Variants in BRAF observed in about 807,000 individuals in gnomAD.
BRAF encodes B-Raf proto-oncogene, serine/threonine kinase.
In BRAF, 16 loss-of-function variants were observed where a neutral mutation model predicts 104.6. The observed-to-expected ratio is 0.15, with a 90% CI of 0.10 to 0.23. The LOEUF (loss-of-function observed/expected upper bound fraction) is 0.23, where lower values mean the gene tolerates loss of function less well. Among genes scored for constraint, BRAF ranks in the 10% least tolerant of loss-of-function variants. The pLI, the probability that BRAF is intolerant of heterozygous loss-of-function variation, is 1.00. For missense variants in BRAF, 541 were observed against 937.3 expected (o/e 0.58, Z 5.52); for synonymous variants, 310 against 341.6 (o/e 0.91, Z 1.02).
chr7:140,733,851 A>C (rs1796171286), intron 19 of BRAF: 1 of 358,196 alleles, frequency 2.8e-6, no homozygotes, highest in Non-Finnish European at 3.9e-6. Context: ...ACAAAATTTG[A>C]CTTCTACATG....
intron 3 of BRAF, among the ~76,000 whole-genome samples, chr7:140,830,092 T>G (rs1233246720): frequency 6.6e-6 from 1 of 152,196 alleles, no homozygotes; most frequent in African/African-American, 2.4e-5. Context: ...TACTTTCAAT[T>G]TGCACAAACT....
chr7:140,722,492 C>T lies in BRAF; in HGVS notation c.*4002G>A. ...TTCTAGAGCCTCACCTACACCATTT[C>T]AACTCATGACCTGTAAGCTATTTGC... On this transcript the variant is annotated 3_prime_UTR_variant, in exon 20 of 20. Transcript: ENST00000644969. 2 of 1,056,154 alleles carry T rather than the reference C, an allele frequency of 1.9e-6. No individual in the cohort carries two copies. The highest frequency in any genetic ancestry group is 2.3e-6 in the Non-Finnish European group (2 of 873,488). The allele number at this position is 1,056,154 out of a possible 1,614,324, so 65.4% of individuals were successfully genotyped here. A position where few individuals can be genotyped will look rare whatever the true frequency, so the allele number is the denominator to read the frequency against.
chr7:140,843,266 A>G (rs1808181404), intron 2 of BRAF, among the ~76,000 whole-genome samples: 1 of 152,168 alleles, frequency 6.6e-6, no homozygotes. Flanking sequence ...TATACAAGAG[A>G]ACTTCTCTGT....
At position 140,739,803 on chromosome 7, in the gene BRAF, T is replaced by C. The variant is rs1338359452; in HGVS notation, c.2247+9A>G. 58 of 1,611,946 alleles carry C rather than the reference T, an allele frequency of 3.6e-5. No homozygotes were observed. The highest frequency in any genetic ancestry group is 4.8e-5 in the Non-Finnish European group (57 of 1,179,904). On this transcript the variant is annotated intron_variant, in intron 18 of 19. Coordinates refer to ENST00000644969, the MANE Select transcript of BRAF (RefSeq NM_001374258.1). ...CTGTTCTTTTGGATAGCATGAAGCT[T>C]TTACTTACTTGGGGAAAGAGTGGTC...
intron 1 of BRAF, among the ~76,000 whole-genome samples, chr7:140,888,544 A>C (rs1275107826): frequency 6.6e-6 from 1 of 152,160 alleles, no homozygotes; most frequent in Non-Finnish European, 1.5e-5. Context: ...CAGGATAAAA[A>C]CAATGATCTA....
intron 1 of BRAF, among the ~76,000 whole-genome samples, chr7:140,874,378 T>G (rs978657741): frequency 4.6e-5 from 7 of 151,878 alleles, no homozygotes; most frequent in African/African-American, 1.7e-4. Context: ...ATTTTTGTAT[T>G]TTCAGTAGAG....
chr7:140,903,464 A>T (rs534174423), intron 1 of BRAF, among the ~76,000 whole-genome samples: 1 of 152,332 alleles, frequency 6.6e-6, no homozygotes, highest in Admixed American at 6.5e-5. Context: ...TCCTTCTAAC[A>T]CATTACTACT....
chr7:140,871,239 CAA>C (rs11284186), intron 1 of BRAF, among the ~76,000 whole-genome samples: 819 of 61,154 alleles, frequency 0.013, 7 homozygotes, highest in African/African-American at 0.042. Context: ...GACTCCGTCT[CAA>C]AAAAAAAAAA....
In BRAF at chr7:140,724,701, G is replaced by A. The variant is rs1348928179; in HGVS notation, c.*1793C>T. On this transcript the variant is annotated 3_prime_UTR_variant, in exon 20 of 20. Coordinates refer to ENST00000644969, the MANE Select transcript of BRAF (RefSeq NM_001374258.1). ...ACAGCAGGGCCTGGAGTTACAATCT[G>A]AAATTTTTAAATAACAATTTCTAAT... 1.9e-6 allele frequency: 2 copies of A among 1,032,574 alleles called. No individual in the cohort carries two copies. Among genetic ancestry groups the A allele is most frequent in the Non-Finnish European group, 1.2e-6 (1 of 858,576 alleles). The allele number at this position is 1,032,574 out of a possible 1,614,324, so 64.0% of individuals were successfully genotyped here.
At chr7:140,787,321 A>G (rs1158515494) in intron 9 of BRAF, among the ~76,000 whole-genome samples, 1 of 148,860 alleles carries the variant, frequency 6.7e-6, no homozygotes, top group Non-Finnish European at 1.5e-5. Context: ...AAAAAAAAAA[A>G]AAAGACTTCC....
At chr7:140,787,695 A>G in intron 8 of BRAF, 111 bp from the exon 9 acceptor site, 1 of 895,648 alleles carries the variant, frequency 1.1e-6, no homozygotes, top group Non-Finnish European at 1.8e-6. Flanking sequence ...TAATTAAAAC[A>G]ATACATCTTA....
At chr7:140,873,112 T>C (rs1205470960) in intron 1 of BRAF, among the ~76,000 whole-genome samples, 3 of 151,082 alleles carry the variant, frequency 2.0e-5, no homozygotes, top group African/African-American at 4.9e-5. Flanking sequence ...ACCATTTCAG[T>C]GCTCTGGACT....
In BRAF at chr7:140,721,473, T is replaced by C; in HGVS notation, c.*5021A>G. On this transcript the variant is annotated 3_prime_UTR_variant, in exon 20 of 20. Transcript: ENST00000644969. The stretch of plus-strand genomic sequence containing the variant: ...CCCAAACAAAAGTGAAAATAGGTTA[T>C]TTGAAAACAACAAAACAGAGCTTAC... The C allele has an allele frequency of 7.9e-7, 1 of 1,268,108 alleles. No individual in the cohort carries two copies. The highest frequency in any genetic ancestry group is 9.9e-7 in the Non-Finnish European group (1 of 1,007,304). The allele number at this position is 1,268,108 out of a possible 1,614,324, so 78.6% of individuals were successfully genotyped here.
At chr7:140,788,526 T>C (rs1198814386) in intron 8 of BRAF, among the ~76,000 whole-genome samples, 2 of 152,120 alleles carry the variant, frequency 1.3e-5, no homozygotes, top group Non-Finnish European at 1.5e-5. Flanking sequence ...ATCATAAAAA[T>C]ATGGATGGAT....
At chr7:140,814,060 A>T (rs1484327060) in intron 3 of BRAF, among the ~76,000 whole-genome samples, 1 of 152,242 alleles carries the variant, frequency 6.6e-6, no homozygotes, top group Non-Finnish European at 1.5e-5. Context: ...CTTTAAGGCT[A>T]GGAAAACTAA....
Position 140,924,436 on chromosome 7 carries a change from C to CCG in BRAF, c.138+129_138+130insCG. ...GGACACGGGGGCGATGCCCACCTCC[C>CCG]AGCCCGCGGAGCTGGCCCGAGAAGG... On this transcript the variant is annotated intron_variant, in intron 1 of 19. Coordinates refer to ENST00000644969, the MANE Select transcript of BRAF (RefSeq NM_001374258.1). This position sits in a 1 kb window ranked among gnomAD's most constrained non-coding sequence, Gnocchi z 4.2. The CCG allele has an allele frequency of 2.9e-6, 4 of 1,371,910 alleles. No individual in the cohort carries two copies. The African/African-American group carries it at 4.4e-5, about 15-fold the overall frequency. 85.0% of individuals were successfully genotyped at this position (1,371,910 alleles called of 1,614,324 possible). A position where few individuals can be genotyped will look rare whatever the true frequency, so the allele number is the denominator to read the frequency against.
Position 140,924,630 on chromosome 7 carries a change from G to C in BRAF, c.74C>G (p.Pro25Arg). ...GQALFNGDMEPEAGAGAGAAA... is the reference protein window; with the variant it reads ...GQALFNGDMEREAGAGAGAAA... ...GGCGCCGGCGCCGGCGCCGGCCTCG[G>C]GCTCCATGTCCCCGTTGAACAGAGC... The change falls in exon 1 of 20, where the codon CCC becomes CGC. Residue 25 changes from proline (P) to arginine (R), a missense_variant. Physicochemically the swap from Pro to Arg is moderately radical, Grantham distance 103. Transcript: ENST00000644969. This position sits in a 1 kb window ranked among gnomAD's most constrained non-coding sequence, Gnocchi z 4.2. The C allele has an allele frequency of 6.6e-7, 1 of 1,515,172 alleles. No individual in the cohort carries two copies. The highest frequency in any genetic ancestry group is 1.2e-5 in the South Asian group (1 of 83,554). 93.9% of individuals were successfully genotyped at this position (1,515,172 alleles called of 1,614,324 possible).
intron 14 of BRAF, among the ~76,000 whole-genome samples, chr7:140,762,438 G>GA (rs937292829): frequency 6.6e-6 from 1 of 152,094 alleles, no homozygotes; most frequent in Non-Finnish European, 1.5e-5. Flanking sequence ...GAGAAAGCAG[G>GA]AAAGATCCAA....
chr7:140,843,236 T>G (rs972740325), intron 2 of BRAF, among the ~76,000 whole-genome samples: 3 of 152,234 alleles, frequency 2.0e-5, no homozygotes, highest in African/African-American at 7.2e-5. Context: ...AGAAAGATTT[T>G]CTTCCTAGCA....
Sources: gnomAD v4.1 joint callset for allele counts (sites outside exome capture counted in the v4.1 genomes callset) on GRCh38, gnomAD v4.1.1 for gene constraint, Gnocchi (gnomAD v3.1) non-coding constraint, MANE v1.5 for transcripts, NCBI Gene and HGNC (gene_info 2026-07-23, HGNC 2026-07-21) for gene names.